The following HGF variants were observed in gnomAD, a reference collection of about 807,000 sequenced individuals.
HGF encodes hepatocyte growth factor.
Under a neutral mutation model 111.6 loss-of-function variants are expected in HGF, and 39 were observed. The ratio of observed to expected loss-of-function variants is 0.35; its 90% CI spans 0.27 to 0.46. The LOEUF is 0.46. Ranked by LOEUF, HGF falls within the 20% of genes least tolerant of loss-of-function variation. The pLI is 1.00. For missense variants in HGF, 735 were observed against 910.5 expected (o/e 0.81, Z 2.48); for synonymous variants, 285 against 294.8 (o/e 0.97, Z 0.34).
intron 4 of HGF, 139 bp downstream of exon 4, chr7:81,757,050 T>C (rs1438959500): frequency 4.4e-6 from 3 of 684,080 alleles, no homozygotes; most frequent in Non-Finnish European, 8.0e-6. Context: ...CATGAATTCA[T>C]ATAAACCTTG....
intron 13 of HGF, among the ~76,000 whole-genome samples, chr7:81,708,122 A>G (rs1394892468): frequency 6.6e-6 from 1 of 151,908 alleles, no homozygotes; most frequent in African/African-American, 2.4e-5. Context: ...ACAGATGTTC[A>G]GTGCTTCAGA....
At chr7:81,720,489 T>TC (rs1004128932) in intron 10 of HGF, among the ~76,000 whole-genome samples, 3 of 152,174 alleles carry the variant, frequency 2.0e-5, no homozygotes, top group African/African-American at 4.8e-5. Flanking sequence ...TTGTTGATGT[T>TC]CCCCATGGTA....
chr7:81,700,696 T>G lies in HGF; in HGVS notation c.*1885A>C, dbSNP rs183089338. ...GTTCTTACTAAAATGGTGTATTATA[T>G]AAGGAAAATAGAAATACCATCAGAT... On this transcript the variant is annotated 3_prime_UTR_variant, in exon 18 of 18. Coordinates refer to ENST00000222390, the MANE Select transcript of HGF (RefSeq NM_000601.6). 6.6e-6 allele frequency: 1 copy of G among 151,694 alleles called. No individual in the cohort carries two copies. The highest frequency in any genetic ancestry group is 6.6e-5 in the Admixed American group (1 of 15,166). The allele number at this position is 151,694 out of a possible 1,614,324, so 9.4% of individuals were successfully genotyped here. A position where few individuals can be genotyped will look rare whatever the true frequency, so the allele number is the denominator to read the frequency against.
In HGF at chr7:81,743,044, C is replaced by T. The variant is rs867958893; in HGVS notation, c.865+309G>A. On this transcript the variant is annotated intron_variant, in intron 7 of 17. Coordinates refer to ENST00000222390, the MANE Select transcript of HGF (RefSeq NM_000601.6). Reference sequence around the variant, plus strand: ...CCTAATGACTTTGTGATGCTGCACACATTTCCGATCTTTTTCTCTCTCTGT... The same window carrying T: ...CCTAATGACTTTGTGATGCTGCACATATTTCCGATCTTTTTCTCTCTCTGT... The T allele has an allele frequency of 8.5e-5, 90 of 1,057,362 alleles. 1 individual carries two copies. The highest frequency in any genetic ancestry group is 2.0e-4 in the Middle Eastern group (1 of 4,936). The allele number at this position is 1,057,362 out of a possible 1,614,324, so 65.5% of individuals were successfully genotyped here.
chr7:81,743,545 A>G (rs1455235476), intron 6 of HGF, 74 bp from the exon 7 acceptor site: 5 of 961,414 alleles, frequency 5.2e-6, no homozygotes, highest in Non-Finnish European at 8.6e-6. Context: ...TCACAAAATA[A>G]CTTTCCACTT....
intron 15 of HGF, among the ~76,000 whole-genome samples, chr7:81,705,958 T>C (rs1339231892): frequency 6.6e-6 from 1 of 151,634 alleles, no homozygotes; most frequent in Admixed American, 6.6e-5. Context: ...TATTTGCCAA[T>C]ATTTAAGAAT....
At chr7:81,727,205 T>A (rs1790039709) in intron 8 of HGF, among the ~76,000 whole-genome samples, 1 of 60,116 alleles carries the variant, frequency 1.7e-5, no homozygotes, top group Non-Finnish European at 3.0e-5. Flanking sequence ...CACGCCCGGC[T>A]AATTGTTTTT....
At chr7:81,749,107 T>A (rs1173249594) in intron 5 of HGF, among the ~76,000 whole-genome samples, 2 of 152,148 alleles carry the variant, frequency 1.3e-5, no homozygotes, top group Non-Finnish European at 2.9e-5. Flanking sequence ...GTTTGTCAAA[T>A]AAATTATGAG....
intron 1 of HGF, among the ~76,000 whole-genome samples, chr7:81,765,801 C>A (rs1789329190): frequency 2.0e-5 from 3 of 152,166 alleles, no homozygotes; most frequent in Admixed American, 2.0e-4. Flanking sequence ...ACAACTGATG[C>A]TTGTTTTACT....
intron 13 of HGF, 82 bp downstream of exon 13, chr7:81,710,065 A>G: frequency 1.0e-6 from 1 of 974,974 alleles, no homozygotes; most frequent in Non-Finnish European, 1.7e-6. Flanking sequence ...AACCTTCAGG[A>G]CCACATGTGT....
At chr7:81,738,295 T>C (rs1301090184) in intron 7 of HGF, among the ~76,000 whole-genome samples, 3 of 152,078 alleles carry the variant, frequency 2.0e-5, no homozygotes, top group Middle Eastern at 3.2e-3. Flanking sequence ...GAAACTAATA[T>C]ATAGAACCAA....
chr7:81,751,585 C>T (rs906402027), intron 5 of HGF: 7 of 994,134 alleles, frequency 7.0e-6, no homozygotes, highest in East Asian at 1.1e-4. Context: ...TTCCAGCCTA[C>T]GTGTCACATT....
At position 81,702,343 on chromosome 7, in the gene HGF, T is replaced by C; in HGVS notation, c.*238A>G. On this transcript the variant is annotated 3_prime_UTR_variant, in exon 18 of 18. Coordinates refer to ENST00000222390, the MANE Select transcript of HGF (RefSeq NM_000601.6). ...TGTTTTTTTAATCCATTCAAGTATCTTCAGGAGATATGTTATTACACTTGC... is the reference window on the plus strand; with the variant it reads ...TGTTTTTTTAATCCATTCAAGTATCCTCAGGAGATATGTTATTACACTTGC... The C allele has an allele frequency of 2.1e-6, 1 of 468,788 alleles. No homozygotes were observed. Among genetic ancestry groups the C allele is most frequent in the Non-Finnish European group, 3.8e-6 (1 of 260,054 alleles). 29.0% of individuals were successfully genotyped at this position (468,788 alleles called of 1,614,324 possible). A position where few individuals can be genotyped will look rare whatever the true frequency, so the allele number is the denominator to read the frequency against.
At chr7:81,746,362 G>A (rs1370251336) in intron 5 of HGF, among the ~76,000 whole-genome samples, 4 of 151,826 alleles carry the variant, frequency 2.6e-5, no homozygotes, top group Non-Finnish European at 5.9e-5. Flanking sequence ...GAGTCCATGA[G>A]CATATCAATA....
intron 7 of HGF, chr7:81,736,743 A>G: frequency 2.1e-6 from 1 of 473,622 alleles, no homozygotes; most frequent in Non-Finnish European, 4.2e-6. Flanking sequence ...TGGCTGGAAC[A>G]GACAGCATGA....
At chr7:81,758,456 C>T (rs1562906584) in intron 3 of HGF, among the ~76,000 whole-genome samples, 1 of 151,690 alleles carries the variant, frequency 6.6e-6, no homozygotes, top group African/African-American at 2.4e-5. Flanking sequence ...TAAAAATAAA[C>T]AGAGGGAGGA....
At chr7:81,757,052 T>A (rs1023186683) in intron 4 of HGF, 137 bp downstream of exon 4, 2 of 685,702 alleles carry the variant, frequency 2.9e-6, no homozygotes, top group East Asian at 5.4e-5. Flanking sequence ...TGAATTCATA[T>A]AAACCTTGCC....
chr7:81,739,506 G>A (rs935387643), intron 7 of HGF, among the ~76,000 whole-genome samples: 1 of 152,044 alleles, frequency 6.6e-6, no homozygotes, highest in Non-Finnish European at 1.5e-5. Flanking sequence ...ATTATAAACA[G>A]CATGAATATA....
chr7:81,750,770 T>G (rs970482582), intron 5 of HGF: 21 of 203,036 alleles, frequency 1.0e-4, no homozygotes, highest in South Asian at 1.7e-4. Flanking sequence ...TTGTCAATGA[T>G]TTTCAACCTC....
Sources: allele counts gnomAD v4.1 joint callset (sites outside exome capture counted in the v4.1 genomes callset), GRCh38; gene constraint gnomAD v4.1.1; transcripts MANE v1.5; gene names NCBI Gene and HGNC (gene_info 2026-07-23, HGNC 2026-07-21).